Variants in CA10 observed in about 807,000 individuals in gnomAD.
CA10 encodes carbonic anhydrase 10 (inactive), also known as carbonic anhydrase-related protein 10.
A neutral mutation model predicts 44.2 loss-of-function variants in CA10; 14 were observed. That is an observed-to-expected ratio of 0.32 (90% CI 0.21 to 0.50). CA10 has a LOEUF of 0.50. Among genes scored for constraint, CA10 ranks in the 20% least tolerant of loss-of-function variants. CA10 has a pLI of 0.99. For synonymous variants in CA10, 159 were observed against 141.6 expected (o/e 1.12, Z -0.87); for missense variants, 350 against 409.7 (o/e 0.85, Z 1.26).
intron 2 of CA10, among the ~76,000 whole-genome samples, chr17:51,973,265 C>T (rs150700117): frequency 0.011 from 1,751 of 152,290 alleles, 13 homozygotes; most frequent in Middle Eastern, 0.078. Context: ...GGGCACATTT[C>T]GAGTCTTGAC....
At chr17:51,729,477 G>A (rs1241097171) in intron 4 of CA10, among the ~76,000 whole-genome samples, 3 of 152,146 alleles carry the variant, frequency 2.0e-5, no homozygotes, top group Non-Finnish European at 4.4e-5. Context: ...TTTCATATGG[G>A]CTTGGAAACT....
At chr17:51,772,173 G>A (rs1905636437) in intron 3 of CA10, among the ~76,000 whole-genome samples, 1 of 152,156 alleles carries the variant, frequency 6.6e-6, no homozygotes, top group South Asian at 2.1e-4. Context: ...GTTTTGTTGT[G>A]AAGATTAAAT....
intron 3 of CA10, among the ~76,000 whole-genome samples, chr17:51,818,770 T>C (rs1470406131): frequency 6.6e-6 from 1 of 152,220 alleles, no homozygotes; most frequent in African/African-American, 2.4e-5. Flanking sequence ...CCATGGGATA[T>C]TGGGCTCTTT....
intron 4 of CA10, among the ~76,000 whole-genome samples, chr17:51,732,722 C>T (rs144380365): frequency 7.2e-4 from 109 of 152,262 alleles, no homozygotes; most frequent in African/African-American, 2.6e-3. Flanking sequence ...CAAATTTCTT[C>T]TTTGGAGAAT....
intron 3 of CA10, among the ~76,000 whole-genome samples, chr17:51,774,886 A>G (rs1055381790): frequency 5.3e-5 from 8 of 152,196 alleles, no homozygotes; most frequent in African/African-American, 1.9e-4. Context: ...GGTTTTTAAT[A>G]CATACATCCT....
chr17:51,961,448 T>C (rs1265642165), intron 2 of CA10, among the ~76,000 whole-genome samples: 4 of 150,482 alleles, frequency 2.7e-5, no homozygotes, highest in Non-Finnish European at 5.9e-5. Flanking sequence ...AAAAGAGAAA[T>C]GTCAAAGGCA....
chr17:51,695,810 A>G (rs985352103), intron 4 of CA10, among the ~76,000 whole-genome samples: 11 of 152,164 alleles, frequency 7.2e-5, no homozygotes, highest in African/African-American at 2.7e-4. Flanking sequence ...TTTGTCATAG[A>G]TGGCTCCTAT....
chr17:52,130,811 C>A (rs900079376), intron 1 of CA10, among the ~76,000 whole-genome samples: 1 of 152,054 alleles, frequency 6.6e-6, no homozygotes, highest in African/African-American at 2.4e-5. Flanking sequence ...GATCCTTCCA[C>A]CTCAGCCTCC....
chr17:51,662,358 C>T (rs1422697562), intron 4 of CA10, among the ~76,000 whole-genome samples: 1 of 152,110 alleles, frequency 6.6e-6, no homozygotes, highest in Non-Finnish European at 1.5e-5. Flanking sequence ...ACATTTGTTC[C>T]TAAAATAAAT....
At chr17:51,790,310 C>T (rs1441429339) in intron 3 of CA10, among the ~76,000 whole-genome samples, 1 of 152,170 alleles carries the variant, frequency 6.6e-6, no homozygotes, top group Non-Finnish European at 1.5e-5. Flanking sequence ...TCTAATGTGC[C>T]TGCTGCTGGA....
chr17:51,776,231 C>T (rs1359577989), intron 3 of CA10, among the ~76,000 whole-genome samples: 1 of 152,052 alleles, frequency 6.6e-6, no homozygotes, highest in African/African-American at 2.4e-5. Flanking sequence ...CATAGTGGTG[C>T]ATGAGCCTGA....
At chr17:51,823,237 A>G (rs573320885) in intron 3 of CA10, among the ~76,000 whole-genome samples, 2 of 152,324 alleles carry the variant, frequency 1.3e-5, no homozygotes, top group Admixed American at 1.3e-4. Flanking sequence ...AGGCGGTCAC[A>G]TCAGAACCTC....
At chr17:52,039,431 A>AT (rs1162006241) in intron 2 of CA10, among the ~76,000 whole-genome samples, 5 of 152,042 alleles carry the variant, frequency 3.3e-5, no homozygotes, top group Non-Finnish European at 4.4e-5. Context: ...AGTTACATTG[A>AT]TTTTTTTTAA....
At chr17:52,135,162 AG>A (rs1989327771) in intron 1 of CA10, 1 of 358,704 alleles carries the variant, frequency 2.8e-6, no homozygotes, top group Non-Finnish European at 5.5e-6. Context: ...ACAGGATGAG[AG>A]GTCAGACATG....
intron 2 of CA10, among the ~76,000 whole-genome samples, chr17:52,038,528 A>T (rs1004376300): frequency 2.0e-5 from 3 of 152,198 alleles, no homozygotes; most frequent in African/African-American, 7.2e-5. Context: ...CAAGATGTAA[A>T]TAGAGACTTG....
chr17:51,977,364 T>C (rs369165023), intron 2 of CA10, among the ~76,000 whole-genome samples: 5 of 151,886 alleles, frequency 3.3e-5, no homozygotes, highest in Admixed American at 6.6e-5. Context: ...ATGAATTTAG[T>C]ACAGGAATTC....
chr17:51,721,800 A>T (rs1282817172), intron 4 of CA10, among the ~76,000 whole-genome samples: 1 of 152,124 alleles, frequency 6.6e-6, no homozygotes, highest in Non-Finnish European at 1.5e-5. Context: ...GAAGGCCTAG[A>T]AGCTTCATGC....
chr17:51,925,606 A>G (rs1418907573), intron 3 of CA10, among the ~76,000 whole-genome samples: 1 of 152,156 alleles, frequency 6.6e-6, no homozygotes, highest in Non-Finnish European at 1.5e-5. Flanking sequence ...GAAAAACTGG[A>G]AGCAGGGACT....
At chr17:51,717,979 C>T (rs1252263872) in intron 4 of CA10, among the ~76,000 whole-genome samples, 3 of 147,696 alleles carry the variant, frequency 2.0e-5, no homozygotes, top group African/African-American at 7.5e-5. Flanking sequence ...AATGGAAAAT[C>T]ATTGTATGTT....
Sources: allele counts gnomAD v4.1 joint callset (sites outside exome capture counted in the v4.1 genomes callset), GRCh38; gene constraint gnomAD v4.1.1; transcripts MANE v1.5; gene names NCBI Gene and HGNC (gene_info 2026-07-23, HGNC 2026-07-21).